The following JADE1 variants were observed in gnomAD, a reference collection of about 807,000 sequenced individuals.
JADE1 encodes protein Jade-1.
Under a neutral mutation model 81.8 loss-of-function variants are expected in JADE1, and 14 were observed. The observed-to-expected ratio is 0.17, with a 90% CI of 0.11 to 0.27. JADE1 has a LOEUF of 0.27. JADE1 is among the 10% of genes least tolerant of loss of function. The probability of loss-of-function intolerance (pLI) is 1.00; values close to 1 mark genes in which losing one functional copy is unlikely to be tolerated. For synonymous variants in JADE1, 353 were observed against 391.9 expected (o/e 0.90, Z 1.17); for missense variants, 690 against 1,047.9 (o/e 0.66, Z 4.71).
At position 128,846,595 on chromosome 4, in the gene JADE1, G is replaced by C; in HGVS notation, c.296+63G>C. 6.4e-7 allele frequency: 1 copy of C among 1,555,618 alleles called. No individual in the cohort carries two copies. Among genetic ancestry groups the C allele is most frequent in the Non-Finnish European group, 8.8e-7 (1 of 1,137,894 alleles). Reference sequence around the variant, plus strand: ...CCTTGCTCTTCTTCCCTGACAGCAGGCATCTGAGAAGAGACAATTTCTGTG... The same window carrying C: ...CCTTGCTCTTCTTCCCTGACAGCAGCCATCTGAGAAGAGACAATTTCTGTG... On this transcript the variant is annotated intron_variant, in intron 4 of 10. Transcript: ENST00000226319. The surrounding 1 kb of genome is among the most constrained non-coding windows in gnomAD (Gnocchi z 4.0).
chr4:128,868,023 C>CT, intron 10 of JADE1, 50 bp downstream of exon 10: 1 of 881,666 alleles, frequency 1.1e-6, no homozygotes, highest in East Asian at 2.5e-5. Context: ...GGTTTGTAAG[C>CT]TTTAACACTG....
intron 2 of JADE1, 123 bp downstream of exon 2, chr4:128,831,933 C>T: frequency 1.2e-6 from 1 of 868,118 alleles, no homozygotes; most frequent in Non-Finnish European, 1.9e-6. Context: ...CAGAGAAAGC[C>T]AAAGCCTGGA....
intron 9 of JADE1, chr4:128,862,939 T>G: frequency 1.0e-6 from 1 of 986,594 alleles, no homozygotes; most frequent in Non-Finnish European, 1.2e-6. Context: ...CATCCATGTC[T>G]CTGTTGTGTG....
chr4:128,831,697 T>A (rs113587646), intron 1 of JADE1, 36 bp from the exon 2 acceptor site: 5 of 1,585,618 alleles, frequency 3.2e-6, no homozygotes, highest in Non-Finnish European at 4.3e-6. Context: ...TTGTGTATTA[T>A]CATCTTGGGT....
intron 10 of JADE1, among the ~76,000 whole-genome samples, chr4:128,869,547 A>G (rs1279778531): frequency 6.6e-6 from 1 of 152,228 alleles, no homozygotes; most frequent in African/African-American, 2.4e-5. Flanking sequence ...AATAAGCCGT[A>G]AAGAGCATTT....
At chr4:128,862,921 CCCGTGT>C in intron 9 of JADE1, 1 of 986,324 alleles carries the variant, frequency 1.0e-6, no homozygotes, top group Non-Finnish European at 1.2e-6. Flanking sequence ...TGTGCGCGTG[CCCGTGT>C]CCATCCATGT....
At chr4:128,853,913 C>A (rs1730579509) in intron 6 of JADE1, among the ~76,000 whole-genome samples, 1 of 152,178 alleles carries the variant, frequency 6.6e-6, no homozygotes, top group African/African-American at 2.4e-5. Flanking sequence ...CCGTCTGTTG[C>A]TCTGGATCTC....
chr4:128,820,901 G>T (rs1727506562), intron 1 of JADE1, among the ~76,000 whole-genome samples: 1 of 152,138 alleles, frequency 6.6e-6, no homozygotes, highest in African/African-American at 2.4e-5. Context: ...TCTGGTTTGA[G>T]CATTTAAAAA....
intron 1 of JADE1, among the ~76,000 whole-genome samples, chr4:128,814,640 C>G: frequency 6.7e-6 from 1 of 150,136 alleles, no homozygotes; most frequent in East Asian, 1.9e-4. Context: ...GATCTCACTG[C>G]AACCTATGCC....
chr4:128,867,406 G>A (rs1731861395), intron 9 of JADE1, among the ~76,000 whole-genome samples: 1 of 152,216 alleles, frequency 6.6e-6, no homozygotes, highest in African/African-American at 2.4e-5. Context: ...TCAGAAGATA[G>A]TTGATAAAGT....
intron 10 of JADE1, among the ~76,000 whole-genome samples, chr4:128,869,896 A>G (rs1732063092): frequency 6.6e-6 from 1 of 152,132 alleles, no homozygotes; most frequent in Admixed American, 6.5e-5. Context: ...ATTCATGCCT[A>G]AAGGCTGTCT....
intron 1 of JADE1, chr4:128,827,852 G>A (rs2125818848): frequency 1.0e-6 from 1 of 984,850 alleles, no homozygotes; most frequent in East Asian, 1.1e-4. Context: ...TATAAGGTGA[G>A]AATGGATGTG....
intron 1 of JADE1, among the ~76,000 whole-genome samples, chr4:128,813,407 CTTT>C (rs72296886): frequency 0.21 from 23,869 of 115,376 alleles, 1,404 homozygotes; most frequent in East Asian, 0.32. Flanking sequence ...CTTACGGTCA[CTTT>C]TTTTTTTTTT....
At chr4:128,830,237 A>G (rs974706056) in intron 1 of JADE1, among the ~76,000 whole-genome samples, 2 of 145,162 alleles carry the variant, frequency 1.4e-5, no homozygotes, top group Non-Finnish European at 3.0e-5. Context: ...TGTTGTGTGT[A>G]TGTGTGTGTG....
intron 1 of JADE1, among the ~76,000 whole-genome samples, chr4:128,816,112 G>A (rs1284049103): frequency 6.6e-6 from 1 of 151,670 alleles, no homozygotes; most frequent in Non-Finnish European, 1.5e-5. Context: ...TTTAATTCCT[G>A]AGACAGGTAA....
chr4:128,843,570 A>G (rs566993282), intron 3 of JADE1, among the ~76,000 whole-genome samples: 4 of 152,250 alleles, frequency 2.6e-5, no homozygotes, highest in Admixed American at 2.0e-4. Flanking sequence ...TTTGTTATCT[A>G]TCTATCTAAA....
intron 6 of JADE1, 110 bp from the exon 7 acceptor site, chr4:128,855,520 G>A: frequency 8.6e-7 from 1 of 1,156,670 alleles, no homozygotes; most frequent in South Asian, 1.8e-5. Context: ...CTCTGCTTTG[G>A]TGGTAGTTCT....
intron 10 of JADE1, among the ~76,000 whole-genome samples, chr4:128,868,397 GT>G (rs577711354): frequency 1.8e-3 from 271 of 152,262 alleles, no homozygotes; most frequent in African/African-American, 6.2e-3. Flanking sequence ...GGTAAATATG[GT>G]CAATATATGT....
Position 128,813,682 on chromosome 4 carries a change from A to G in JADE1, c.-27+3805A>G, listed in dbSNP as rs181182075. ...GTGATCCGCCCGCCCCGGCCTCTCA[A>G]AGTGCTGGGATTACAGGCGTGAGCC... On this transcript the variant is annotated intron_variant, in intron 1 of 10. Coordinates refer to ENST00000226319, the MANE Select transcript of JADE1 (RefSeq NM_199320.4). 1.7e-4 allele frequency among the ~76,000 whole-genome samples: 26 copies of G among 152,010 alleles called. No individual in the cohort carries two copies. In the East Asian group the frequency reaches 4.5e-3, roughly 26 times the overall value.
Sources: allele counts gnomAD v4.1 joint callset (sites outside exome capture counted in the v4.1 genomes callset), GRCh38; gene constraint gnomAD v4.1.1; non-coding constraint Gnocchi (gnomAD v3.1); transcripts MANE v1.5; gene names NCBI Gene and HGNC (gene_info 2026-07-23, HGNC 2026-07-21).